Variants in ATAD3C observed in about 807,000 individuals in gnomAD.
The protein encoded by ATAD3C is ATPase family AAA domain containing 3C, also known as ATPase family AAA domain-containing protein 3C.
A neutral mutation model predicts 46.3 loss-of-function variants in ATAD3C; 38 were observed. That is an observed-to-expected ratio of 0.82 (90% CI 0.63 to 1.08). The LOEUF (loss-of-function observed/expected upper bound fraction) is 1.08, where lower values mean the gene tolerates loss of function less well. Ranked by LOEUF, ATAD3C falls within the 50% of genes least tolerant of loss-of-function variation. The pLI is 0.00. For synonymous variants in ATAD3C, 220 were observed against 236.4 expected, an observed-to-expected ratio of 0.93 and a Z score of 0.63; for missense variants, 563 against 572.7, an observed-to-expected ratio of 0.98 and a Z score of 0.17.
chr1:1,459,943 G>A lies in ATAD3C; in HGVS notation c.812+712G>A, dbSNP rs894713553. On this transcript the variant is annotated intron_variant, in intron 9 of 11. Coordinates refer to ENST00000378785, the MANE Select transcript of ATAD3C (RefSeq NM_001039211.3). This position sits in a 1 kb window ranked among gnomAD's most constrained non-coding sequence, Gnocchi z 4.9. Reference sequence around the variant, plus strand: ...TCAGGCACGTTGGGCTCCTGGGTCAGCTGCTGCCGGTAGACGCTCCCTGGA... The same window carrying A: ...TCAGGCACGTTGGGCTCCTGGGTCAACTGCTGCCGGTAGACGCTCCCTGGA... Among the ~76,000 whole-genome samples, 5 of 152,056 alleles carry A rather than the reference G, an allele frequency of 3.3e-5. No homozygotes were observed. The highest frequency in any genetic ancestry group is 1.2e-4 in the African/African-American group (5 of 41,414).
intron 8 of ATAD3C, among the ~76,000 whole-genome samples, chr1:1,458,447 T>C (rs1420927708): frequency 7.2e-6 from 1 of 139,662 alleles, no homozygotes; most frequent in Non-Finnish European, 1.5e-5. Context: ...GCTCATTTTG[T>C]CTTTTTTTTT....
rs142691265 is a variant in ATAD3C at position 1,465,178 on chromosome 1, G to A, written c.1089+2470G>A. On this transcript the variant is annotated intron_variant, in intron 11 of 11. Transcript: ENST00000378785. ...TGGGATTCATTCAGGTGTGGGCCAC[G>A]GAGCCCGGTCAGTTTTCACTGTGCA... is the stretch of plus-strand genomic sequence containing the variant. 1.8e-4 allele frequency among the ~76,000 whole-genome samples: 28 copies of A among 151,732 alleles called. No individual in the cohort carries two copies. The East Asian group carries it at 5.1e-3, about 27-fold the overall frequency.
chr1:1,455,724 C>T, intron 5 of ATAD3C, 67 bp from the exon 6 acceptor site: 2 of 1,599,948 alleles, frequency 1.3e-6, no homozygotes, highest in Non-Finnish European at 8.5e-7. Flanking sequence ...GGCATTCTCG[C>T]AGCCCCTGCC....
chr1:1,458,433 C>G (rs564713504), intron 8 of ATAD3C, among the ~76,000 whole-genome samples: 1 of 149,506 alleles, frequency 6.7e-6, no homozygotes, highest in South Asian at 2.1e-4. Flanking sequence ...TACCACCACA[C>G]CCAGCTCATT....
Position 1,468,949 on chromosome 1 carries a change from C to G in ATAD3C, c.*419C>G, listed in dbSNP as rs1397027845. On this transcript the variant is annotated 3_prime_UTR_variant, in exon 12 of 12. Coordinates refer to ENST00000378785, the MANE Select transcript of ATAD3C (RefSeq NM_001039211.3). ...GCTTCAAATAGATGCCGCCCCTGCC[C>G]GCGCTTTGCAGCTAGTCCCTGCAAA... is the stretch of plus-strand genomic sequence containing the variant. 1 of 213,312 alleles carries G rather than the reference C, an allele frequency of 4.7e-6. No homozygotes were observed. The highest frequency in any genetic ancestry group is 9.4e-6 in the Non-Finnish European group (1 of 106,304). The allele number at this position is 213,312 out of a possible 1,614,324, so 13.2% of individuals were successfully genotyped here.
In ATAD3C at chr1:1,462,046, C is replaced by T. The variant is rs1046254177; in HGVS notation, c.981-554C>T. 2.0e-5 allele frequency among the ~76,000 whole-genome samples: 3 copies of T among 151,996 alleles called. No homozygotes were observed. The highest frequency in any genetic ancestry group is 2.9e-5 in the Non-Finnish European group (2 of 67,946). ...CTACTTCTTGGCGTCCCCAGGGCCC[C>T]GGTTTCTGAGTCCTTCTGTGCACCT... On this transcript the variant is annotated intron_variant, in intron 10 of 11. Coordinates refer to ENST00000378785, the MANE Select transcript of ATAD3C (RefSeq NM_001039211.3). This position sits in a 1 kb window ranked among gnomAD's most constrained non-coding sequence, Gnocchi z 4.5.
At chr1:1,453,588 T>A (rs537252699) in intron 3 of ATAD3C, among the ~76,000 whole-genome samples, 1 of 151,970 alleles carries the variant, frequency 6.6e-6, no homozygotes, top group African/African-American at 2.4e-5. Flanking sequence ...CCACCCATCT[T>A]GGCCTCCCAA....
At chr1:1,464,465 C>T (rs1241419596) in intron 11 of ATAD3C, among the ~76,000 whole-genome samples, 1 of 151,890 alleles carries the variant, frequency 6.6e-6, no homozygotes, top group Admixed American at 6.6e-5. Context: ...CCAACTTTGT[C>T]CTTCAAGAGT....
rs762208422 is a variant in ATAD3C at position 1,455,807 on chromosome 1, G to T, written c.455G>T (p.Arg152Leu). ...CCTCGGCAGCCCAGCCTGGAAGCAC[G>T]GGTGCGCGACATCGCCATAATGACA... is the stretch of plus-strand genomic sequence containing the variant. Reference protein sequence around the residue: ...GVVLSPSLEARVRDIAIMTRN... With the variant: ...GVVLSPSLEALVRDIAIMTRN... Residue 152 changes from arginine to leucine, a missense_variant, in exon 6 of 12, where the codon CGG becomes CTG. Arg to Leu is a moderately radical substitution (Grantham distance 102). Transcript: ENST00000378785. 3 of 1,613,334 alleles carry T rather than the reference G, an allele frequency of 1.9e-6. No individual in the cohort carries two copies. Among genetic ancestry groups the T allele is most frequent in the Non-Finnish European group, 2.5e-6 (3 of 1,179,704 alleles).
rs751860255 is a variant in ATAD3C at position 1,468,678 on chromosome 1, T to C, written c.*148T>C. The C allele has an allele frequency of 2.0e-6, 3 of 1,488,276 alleles. No homozygotes were observed. In the South Asian group the frequency reaches 3.8e-5, roughly 19 times the overall value. The allele number at this position is 1,488,276 out of a possible 1,614,324, so 92.2% of individuals were successfully genotyped here. Reference sequence around the variant, plus strand: ...GTCTATTGGCTGACACGGGGCGGGGTTTGGGGCCCCCTAACGTCCCCCTGG... The same window carrying C: ...GTCTATTGGCTGACACGGGGCGGGGCTTGGGGCCCCCTAACGTCCCCCTGG... On this transcript the variant is annotated 3_prime_UTR_variant, in exon 12 of 12. Transcript: ENST00000378785.
At chr1:1,465,023 T>G (rs896467066) in intron 11 of ATAD3C, among the ~76,000 whole-genome samples, 15 of 151,270 alleles carry the variant, frequency 9.9e-5, no homozygotes, top group African/African-American at 3.6e-4. Flanking sequence ...GTAGCTGGGA[T>G]TACAGGCACG....
chr1:1,451,469 C>A (rs1004115554), intron 1 of ATAD3C, among the ~76,000 whole-genome samples: 3 of 152,038 alleles, frequency 2.0e-5, no homozygotes, highest in Admixed American at 2.0e-4. Context: ...GCCTCAGCCT[C>A]CCAAGTCGCT....
rs1020500909 is a variant in ATAD3C at position 1,459,433 on chromosome 1, C to T, written c.812+202C>T. Among the ~76,000 whole-genome samples the T allele has an allele frequency of 7.2e-5, 11 of 151,950 alleles. No individual in the cohort carries two copies. The highest frequency in any genetic ancestry group is 1.9e-4 in the African/African-American group (8 of 41,310). On this transcript the variant is annotated intron_variant, in intron 9 of 11. Transcript: ENST00000378785. This position sits in a 1 kb window ranked among gnomAD's most constrained non-coding sequence, Gnocchi z 4.9. Reference sequence around the variant, plus strand: ...CACTGAGGAACATGCGGGGGCCTCCCGGGCAGAGCTGGGGTCAGTCCTGTC... The same window carrying T: ...CACTGAGGAACATGCGGGGGCCTCCTGGGCAGAGCTGGGGTCAGTCCTGTC...
Position 1,455,936 on chromosome 1 carries a change from C to G in ATAD3C, c.564+20C>G, listed in dbSNP as rs754639901. ...GCCAAGGTGAGAGTGCCTAGCTGAA[C>G]AGGTGGGCCAGGGGCCGCTGGGGTC... On this transcript the variant is annotated intron_variant, in intron 6 of 11. Transcript: ENST00000378785. 6.2e-7 allele frequency: 1 copy of G among 1,612,306 alleles called. No homozygotes were observed. The highest frequency in any genetic ancestry group is 8.5e-7 in the Non-Finnish European group (1 of 1,179,552).
chr1:1,456,135 G>A, intron 6 of ATAD3C, 90 bp from the exon 7 acceptor site: 4 of 1,520,160 alleles, frequency 2.6e-6, no homozygotes, highest in Non-Finnish European at 3.5e-6. Flanking sequence ...AGGGACGCTG[G>A]GCAGAGCCTC....
rs769191465 is a variant in ATAD3C at position 1,468,506 on chromosome 1, C to G, written c.1212C>G (p.Pro404=). 6 of 1,608,422 alleles carry G rather than the reference C, an allele frequency of 3.7e-6. No individual in the cohort carries two copies. Among genetic ancestry groups the G allele is most frequent in the South Asian group, 2.2e-5 (2 of 90,526 alleles). The change falls in exon 12 of 12, where the codon CCC becomes CCG. Residue 404 remains proline (P), a synonymous_variant. Coordinates refer to ENST00000378785, the MANE Select transcript of ATAD3C (RefSeq NM_001039211.3). ...GGCTGAAGGGGGAGAGGCCTGGGCC[C>G]GAGGACGAGCAACCCTCATCCTGAG... ...MRWLKGERPG[P]EDEQPSS is the part of the protein sequence containing the mutation.
rs1256591115 is a variant in ATAD3C at position 1,456,314 on chromosome 1, C to A, written c.654C>A (p.His218Gln). ...PMGREGVTAM[H>Q]KLFDWANTSR... ...GGCGGGAAGGCGTGACCGCCATGCA[C>A]AAGCTCTTTGACTGGGCCAATACCA... Residue 218 changes from histidine (H) to glutamine (Q), a missense_variant, in exon 7 of 12, where the codon CAC (histidine) becomes CAA (glutamine). Around this residue, in one of 3 missense-constraint regions of ATAD3C, gnomAD observed 27 missense variants for 76.2 expected, o/e 0.35. Transcript: ENST00000378785. The A allele has an allele frequency of 7.0e-7, 1 of 1,428,438 alleles. No homozygotes were observed. Among genetic ancestry groups the A allele is most frequent in the Admixed American group, 2.5e-5 (1 of 39,660 alleles). 88.5% of individuals were successfully genotyped at this position (1,428,438 alleles called of 1,614,324 possible).
chr1:1,454,253 C>T (rs1264176255), intron 3 of ATAD3C, 92 bp from the exon 4 acceptor site: 38 of 1,488,266 alleles, frequency 2.6e-5, no homozygotes, highest in Non-Finnish European at 2.8e-5. Context: ...CTCCCTCAGG[C>T]GGAGAGAGGG....
At chr1:1,451,129 C>T (rs1204343692) in intron 1 of ATAD3C, among the ~76,000 whole-genome samples, 7 of 151,590 alleles carry the variant, frequency 4.6e-5, no homozygotes, top group African/African-American at 1.7e-4. Context: ...CAAGCTCCAC[C>T]TCCCGGGTTC....
Sources: gnomAD v4.1 joint callset for allele counts (sites outside exome capture counted in the v4.1 genomes callset) on GRCh38, gnomAD v4.1.1 for gene constraint, gnomAD v4.1.1 regional missense constraint, Gnocchi (gnomAD v3.1) non-coding constraint, MANE v1.5 for transcripts, NCBI Gene and HGNC (gene_info 2026-07-23, HGNC 2026-07-21) for gene names.